PER3: variants seen among roughly 807,000 people sequenced by gnomAD.
PER3 encodes the protein period circadian protein homolog 3.
Under a neutral mutation model 127.2 loss-of-function variants are expected in PER3, and 107 were observed. The observed-to-expected ratio is 0.84, with a 90% CI of 0.72 to 0.99. The LOEUF is 0.99. PER3 is among the 50% of genes least tolerant of loss of function. The probability of loss-of-function intolerance (pLI) is 0.00; values close to 1 mark genes in which losing one functional copy is unlikely to be tolerated. For synonymous variants in PER3, 618 were observed against 585.8 expected (o/e 1.05, Z -0.79); for missense variants, 1,560 against 1,525.8 (o/e 1.02, Z -0.37).
intron 19 of PER3, among the ~76,000 whole-genome samples, chr1:7,833,838 C>T (rs2151238822): frequency 6.6e-6 from 1 of 152,154 alleles, no homozygotes; most frequent in Admixed American, 6.5e-5. Flanking sequence ...TACCCTCCTC[C>T]TTTCGGGTTA....
At chr1:7,819,556 C>A in intron 14 of PER3, 136 bp downstream of exon 14, 1 of 740,054 alleles carries the variant, frequency 1.4e-6, no homozygotes, top group South Asian at 1.7e-5. Flanking sequence ...TTATGGCGTG[C>A]CTAACACATA....
At chr1:7,800,551 T>C (rs2097166184) in intron 7 of PER3, among the ~76,000 whole-genome samples, 3 of 152,172 alleles carry the variant, frequency 2.0e-5, no homozygotes, top group Admixed American at 2.0e-4. Context: ...CCAATTTTAT[T>C]ACACAAAGAA....
At position 7,844,007 on chromosome 1, in the gene PER3, T is replaced by A. The variant is rs1410746858; in HGVS notation, c.*1252T>A. On this transcript the variant is annotated 3_prime_UTR_variant, in exon 22 of 22. Coordinates refer to ENST00000377532, the MANE Select transcript of PER3 (RefSeq NM_001377275.1). ...TGAGGGTTACAGTAACCTGTTGTCT[T>A]TATATAACTTGCAACAAACTAATTT... 2.6e-6 allele frequency: 3 copies of A among 1,149,310 alleles called. No homozygotes were observed. The African/African-American group carries it at 5.0e-5, about 19-fold the overall frequency. The allele number at this position is 1,149,310 out of a possible 1,614,324, so 71.2% of individuals were successfully genotyped here. A position where few individuals can be genotyped will look rare whatever the true frequency, so the allele number is the denominator to read the frequency against.
At position 7,842,717 on chromosome 1, in the gene PER3, A is replaced by G. The variant is rs183082347; in HGVS notation, c.3595A>G (p.Thr1199Ala). ...TGAAGATTCAGCTGATGGTGCGGCCACATCCTGTGGTCAGGTTCTGGTAGA... is the reference window on the plus strand; with the variant it reads ...TGAAGATTCAGCTGATGGTGCGGCCGCATCCTGTGGTCAGGTTCTGGTAGA... ...ENEDSADGAA[T>A]SCGQVLVEDS... Residue 1199 changes from threonine (T) to alanine (A), a missense_variant, in exon 22 of 22, where the codon ACA becomes GCA. By Grantham distance (58) the Thr-to-Ala change is moderately conservative (BLOSUM62 0). Coordinates refer to ENST00000377532, the MANE Select transcript of PER3 (RefSeq NM_001377275.1). 1,477 of 1,613,616 alleles carry G rather than the reference A, an allele frequency of 9.2e-4. 5 individuals carry two copies. Among genetic ancestry groups the G allele is most frequent in the South Asian group, 1.6e-3 (142 of 91,060 alleles).
At chr1:7,842,622 T>C in intron 21 of PER3, 50 bp from the exon 22 acceptor site, 1 of 1,606,698 alleles carries the variant, frequency 6.2e-7, no homozygotes, top group Non-Finnish European at 8.5e-7. Context: ...TTAAAACTCT[T>C]TAGGTGACAT....
chr1:7,791,680 T>C (rs527686286), intron 5 of PER3, among the ~76,000 whole-genome samples: 1 of 152,362 alleles, frequency 6.6e-6, no homozygotes, highest in South Asian at 2.1e-4. Context: ...TTCCAAGTTG[T>C]TATGCTCTGC....
chr1:7,807,596 G>A (rs2097200465), intron 10 of PER3, among the ~76,000 whole-genome samples: 2 of 152,236 alleles, frequency 1.3e-5, no homozygotes, highest in Non-Finnish European at 2.9e-5. Context: ...TCTCGGTTAT[G>A]TGAACTTGGG....
intron 6 of PER3, among the ~76,000 whole-genome samples, chr1:7,797,480 C>T (rs1472905417): frequency 2.0e-5 from 3 of 151,858 alleles, no homozygotes; most frequent in Non-Finnish European, 4.4e-5. Flanking sequence ...ACTAAAAATA[C>T]AAAAATCATC....
intron 13 of PER3, among the ~76,000 whole-genome samples, chr1:7,814,623 T>C (rs577376349): frequency 2.0e-4 from 31 of 152,200 alleles, no homozygotes; most frequent in Admixed American, 1.9e-3. Flanking sequence ...AAAACTTGGA[T>C]CTACACAAAG....
intron 4 of PER3, chr1:7,787,330 G>T: frequency 4.1e-6 from 1 of 246,800 alleles, no homozygotes; most frequent in South Asian, 4.5e-5. Flanking sequence ...TTGTTTGACA[G>T]AGTAATCTTC....
chr1:7,827,365 C>T lies in PER3; in HGVS notation c.2436C>T (p.Leu812=), dbSNP rs2097306755. The T allele has an allele frequency of 2.5e-6, 4 of 1,614,156 alleles. No homozygotes were observed. The highest frequency in any genetic ancestry group is 3.4e-6 in the Non-Finnish European group (4 of 1,180,026). ...CTTACCTCGTCCCAGCTTTTCCCCTCCCAGCCGCGACCTCACCCGGAAGAG... is the reference window on the plus strand; with the variant it reads ...CTTACCTCGTCCCAGCTTTTCCCCTTCCAGCCGCGACCTCACCCGGAAGAG... The part of the protein sequence containing the change: ...QAPYLVPAFP[L]PAATSPGREY... Residue 812 remains leucine (L), a synonymous_variant, in exon 18 of 22, where the codon CTC becomes CTT. Coordinates refer to ENST00000377532, the MANE Select transcript of PER3 (RefSeq NM_001377275.1).
At position 7,785,510 on chromosome 1, in the gene PER3, C is replaced by T. The variant is rs375818157; in HGVS notation, c.198C>T (p.Phe66=). ...TTGTCCAAGAAATGAAAAAATACTT[C>T]CCCTCGGAGAGACGCAATAAACCAA... ...IMVVQEMKKY[F]PSERRNKPST... Residue 66 remains phenylalanine (F), a synonymous_variant, in exon 3 of 22, where the codon TTC becomes TTT. Coordinates refer to ENST00000377532, the MANE Select transcript of PER3 (RefSeq NM_001377275.1). The T allele has an allele frequency of 3.1e-6, 5 of 1,610,386 alleles. No homozygotes were observed. Among genetic ancestry groups the T allele is most frequent in the African/African-American group, 2.7e-5 (2 of 74,806 alleles).
At chr1:7,840,498 C>T (rs543020066) in intron 21 of PER3, among the ~76,000 whole-genome samples, 4 of 151,558 alleles carry the variant, frequency 2.6e-5, no homozygotes, top group African/African-American at 4.8e-5. Flanking sequence ...TTTTAATTTT[C>T]GTAGAGATGG....
At chr1:7,804,992 T>C (rs2097186934) in intron 10 of PER3, among the ~76,000 whole-genome samples, 1 of 151,620 alleles carries the variant, frequency 6.6e-6, no homozygotes, top group Admixed American at 6.6e-5. Flanking sequence ...CCTCAGCCTC[T>C]CCAGTAGCTG....
At chr1:7,828,440 C>G (rs2097313293) in intron 18 of PER3, among the ~76,000 whole-genome samples, 1 of 152,214 alleles carries the variant, frequency 6.6e-6, no homozygotes, top group Admixed American at 6.5e-5. Context: ...ACTTTGGAAT[C>G]TGACGTTCCT....
rs562793367 is a variant in PER3, at chr1:7,805,483, G to A, written c.1136+1635G>A. Among the ~76,000 whole-genome samples, 13 of 152,278 alleles carry A rather than the reference G, an allele frequency of 8.5e-5. No individual in the cohort carries two copies. In the South Asian group the frequency reaches 2.1e-3, roughly 24 times the overall value. ...AGGGTTTGGCCCCTCCGCAGAGCAC[G>A]TGTAGAACTTAATGGAAGAAATGGG... On this transcript the variant is annotated intron_variant, in intron 10 of 21. Transcript: ENST00000377532.
In PER3 at chr1:7,819,918, AT is replaced by A. The variant is rs544455147; in HGVS notation, c.1659-194del. ...AAAGATTGGACACCCATGGTATAAG[AT>A]TTGAAGGTTAATTCAAGACCACAGT... On this transcript the variant is annotated intron_variant, in intron 14 of 21. Coordinates refer to ENST00000377532, the MANE Select transcript of PER3 (RefSeq NM_001377275.1). Among the ~76,000 whole-genome samples the A allele has an allele frequency of 6.1e-4, 93 of 152,188 alleles. 1 individual carries two copies. Among genetic ancestry groups the A allele is most frequent in the Middle Eastern group, 3.4e-3 (1 of 294 alleles).
At chr1:7,789,208 C>A (rs570532621) in intron 5 of PER3, among the ~76,000 whole-genome samples, 1 of 150,548 alleles carries the variant, frequency 6.6e-6, no homozygotes, top group Non-Finnish European at 1.5e-5. Context: ...AAAAAAAATT[C>A]ATTGTAGTAA....
At chr1:7,824,485 A>C (rs568355280) in intron 16 of PER3, among the ~76,000 whole-genome samples, 1 of 151,974 alleles carries the variant, frequency 6.6e-6, no homozygotes, top group Non-Finnish European at 1.5e-5. Context: ...TCTTTTGTCT[A>C]TATAAACTGT....
Sources: allele counts gnomAD v4.1 joint callset (sites outside exome capture counted in the v4.1 genomes callset), GRCh38; gene constraint gnomAD v4.1.1; transcripts MANE v1.5; gene names NCBI Gene and HGNC (gene_info 2026-07-23, HGNC 2026-07-21).